DCC: variants seen among roughly 807,000 people sequenced by gnomAD.
DCC encodes the protein DCC netrin 1 receptor.
DCC carries 58 observed loss-of-function variants against 172.5 expected under a neutral mutation model. The observed-to-expected ratio is 0.34, with a 90% CI of 0.27 to 0.42. The LOEUF (loss-of-function observed/expected upper bound fraction) is 0.42. Among genes scored for constraint, DCC ranks in the 10% least tolerant of loss-of-function variants. DCC has a pLI of 1.00. For synonymous variants in DCC, 709 were observed against 644.5 expected (o/e 1.10, Z -1.52); for missense variants, 1,740 against 1,791.0 (o/e 0.97, Z 0.51).
intron 1 of DCC, among the ~76,000 whole-genome samples, chr18:52,600,897 C>G (rs2144816534): frequency 6.6e-6 from 1 of 152,148 alleles, no homozygotes; most frequent in South Asian, 2.1e-4. Flanking sequence ...TGTTAAAAGT[C>G]TCATCCCTAG....
chr18:53,186,221 A>G (rs957288115), intron 9 of DCC, among the ~76,000 whole-genome samples: 1 of 152,222 alleles, frequency 6.6e-6, no homozygotes, highest in Non-Finnish European at 1.5e-5. Flanking sequence ...ATAGATAGAC[A>G]TAAGGGAGTG....
At chr18:52,466,815 C>T (rs1304842218) in intron 1 of DCC, among the ~76,000 whole-genome samples, 1 of 152,146 alleles carries the variant, frequency 6.6e-6, no homozygotes, top group African/African-American at 2.4e-5. Flanking sequence ...TGAATGCTCA[C>T]TCTATGCCAA....
At chr18:52,827,959 T>C (rs1300425690) in intron 2 of DCC, among the ~76,000 whole-genome samples, 1 of 152,046 alleles carries the variant, frequency 6.6e-6, no homozygotes, top group Non-Finnish European at 1.5e-5. Flanking sequence ...AAATTTATAG[T>C]AGTAGTTTTT....
intron 2 of DCC, among the ~76,000 whole-genome samples, chr18:52,785,595 T>G (rs933574726): frequency 6.6e-6 from 1 of 152,024 alleles, no homozygotes; most frequent in African/African-American, 2.4e-5. Flanking sequence ...AAGAAAGGTG[T>G]GTCCATGTTT....
chr18:52,853,794 T>C (rs1427885537), intron 2 of DCC, among the ~76,000 whole-genome samples: 1 of 152,180 alleles, frequency 6.6e-6, no homozygotes, highest in Non-Finnish European at 1.5e-5. Context: ...TAACCCAACA[T>C]GCAAAAATGA....
chr18:52,807,091 A>T (rs1408012168), intron 2 of DCC, among the ~76,000 whole-genome samples: 1 of 152,152 alleles, frequency 6.6e-6, no homozygotes, highest in Non-Finnish European at 1.5e-5. Context: ...GCTACTCGGG[A>T]GGCTGAGGCA....
chr18:52,626,445 C>T (rs567659715), intron 1 of DCC, among the ~76,000 whole-genome samples: 84 of 152,224 alleles, frequency 5.5e-4, no homozygotes, highest in Non-Finnish European at 8.5e-4. Flanking sequence ...CAATTAGTCT[C>T]TCTGCTTTTT....
At chr18:52,826,408 C>T (rs542383309) in intron 2 of DCC, among the ~76,000 whole-genome samples, 34 of 152,208 alleles carry the variant, frequency 2.2e-4, no homozygotes, top group African/African-American at 7.7e-4. Context: ...AGTGATTAGC[C>T]GGCCATAGCT....
At chr18:52,886,234 G>A (rs1415601883) in intron 2 of DCC, among the ~76,000 whole-genome samples, 1 of 152,062 alleles carries the variant, frequency 6.6e-6, no homozygotes, top group East Asian at 1.9e-4. Flanking sequence ...AATTGCCTAG[G>A]AATTGAAGTC....
intron 1 of DCC, among the ~76,000 whole-genome samples, chr18:52,697,180 A>T (rs2036026663): frequency 1.3e-5 from 2 of 152,166 alleles, no homozygotes; most frequent in Non-Finnish European, 2.9e-5. Context: ...TTCTTTTAAG[A>T]TCCTCCTCAT....
chr18:53,058,056 T>C (rs891518345), intron 5 of DCC, among the ~76,000 whole-genome samples: 3 of 152,060 alleles, frequency 2.0e-5, no homozygotes, highest in African/African-American at 7.2e-5. Context: ...ACATATAACA[T>C]CTGAGGAATG....
chr18:52,365,439 T>C (rs530745457), intron 1 of DCC, among the ~76,000 whole-genome samples: 3 of 152,344 alleles, frequency 2.0e-5, no homozygotes, highest in African/African-American at 4.8e-5. Flanking sequence ...ATTGTGTTAA[T>C]ATCTCTGGAA....
chr18:53,415,184 T>A (rs1910236711), intron 20 of DCC, among the ~76,000 whole-genome samples: 1 of 152,326 alleles, frequency 6.6e-6, no homozygotes, highest in South Asian at 2.1e-4. Context: ...TAGCGCCACA[T>A]CTGATGAGAG....
At chr18:52,923,594 T>A (rs56309201) in intron 3 of DCC, 113 bp from the exon 4 acceptor site, 13,963 of 830,066 alleles carry the variant, frequency 0.017, 156 homozygotes, top group Non-Finnish European at 0.02. Context: ...ACAAATTTCA[T>A]TGGCATCTTT....
chr18:52,475,674 G>A (rs939895272), intron 1 of DCC, among the ~76,000 whole-genome samples: 12 of 152,110 alleles, frequency 7.9e-5, no homozygotes, highest in African/African-American at 2.4e-4. Context: ...ATACCTTTCC[G>A]AGCTGTGTGG....
At chr18:53,182,144 T>G (rs1181556368) in intron 9 of DCC, among the ~76,000 whole-genome samples, 1 of 152,238 alleles carries the variant, frequency 6.6e-6, no homozygotes, top group Non-Finnish European at 1.5e-5. Context: ...CCTAACTGAA[T>G]AAAACATGCT....
intron 12 of DCC, among the ~76,000 whole-genome samples, chr18:53,252,561 C>T (rs919359793): frequency 1.3e-5 from 2 of 151,838 alleles, no homozygotes; most frequent in African/African-American, 4.8e-5. Context: ...TCAAACATTC[C>T]ATGAGAAATA....
At chr18:53,417,505 T>C (rs1292323965) in intron 21 of DCC, among the ~76,000 whole-genome samples, 2 of 152,198 alleles carry the variant, frequency 1.3e-5, no homozygotes, top group African/African-American at 4.8e-5. Context: ...CATAGGTAAC[T>C]TAAATATTAG....
intron 12 of DCC, among the ~76,000 whole-genome samples, chr18:53,250,493 C>T (rs2056415940): frequency 6.6e-6 from 1 of 151,822 alleles, no homozygotes; most frequent in Non-Finnish European, 1.5e-5. Flanking sequence ...GTCCCTCTGC[C>T]TTGTTTCACT....
Sources: allele counts gnomAD v4.1 joint callset (sites outside exome capture counted in the v4.1 genomes callset), GRCh38; gene constraint gnomAD v4.1.1; transcripts MANE v1.5; gene names NCBI Gene and HGNC (gene_info 2026-07-23, HGNC 2026-07-21).